The following PLXNC1 variants were observed in gnomAD, a reference collection of about 807,000 sequenced individuals.
PLXNC1 encodes the protein plexin-C1.
A neutral mutation model predicts 178.2 loss-of-function variants in PLXNC1; 75 were observed. The observed-to-expected ratio is 0.42, with a 90% CI of 0.35 to 0.51. PLXNC1 has a LOEUF of 0.51. Among genes scored for constraint, PLXNC1 ranks in the 20% least tolerant of loss-of-function variants. The pLI, the probability that PLXNC1 is intolerant of heterozygous loss-of-function variation, is 0.02. For synonymous variants in PLXNC1, 790 were observed against 779.9 expected, an observed-to-expected ratio of 1.01 and a Z score of -0.22; for missense variants, 1,503 against 1,984.4, an observed-to-expected ratio of 0.76 and a Z score of 4.61.
chr12:94,272,799 A>T (rs1965658834), intron 21 of PLXNC1, among the ~76,000 whole-genome samples: 1 of 152,188 alleles, frequency 6.6e-6, no homozygotes, highest in Non-Finnish European at 1.5e-5. Context: ...CTTGGGTGGC[A>T]CCGGAGGCAC....
intron 17 of PLXNC1, among the ~76,000 whole-genome samples, chr12:94,258,010 G>C (rs1470221443): frequency 1.3e-5 from 2 of 149,734 alleles, no homozygotes; most frequent in Non-Finnish European, 1.5e-5. Context: ...GGCGACAGAG[G>C]GAGATTCCGT....
At chr12:94,239,004 G>C (rs1393205973) in intron 10 of PLXNC1, among the ~76,000 whole-genome samples, 1 of 152,172 alleles carries the variant, frequency 6.6e-6, no homozygotes. Flanking sequence ...AGACACCTGT[G>C]TATTCACTGA....
intron 6 of PLXNC1, among the ~76,000 whole-genome samples, chr12:94,222,121 C>T (rs541687590): frequency 6.6e-6 from 1 of 152,268 alleles, no homozygotes; most frequent in Non-Finnish European, 1.5e-5. Flanking sequence ...ACTGTGCAGC[C>T]TTTGTGATGC....
chr12:94,149,865 C>T lies in PLXNC1; in HGVS notation c.894C>T (p.Ser298=), dbSNP rs1960882565. The change falls in exon 1 of 31, where the codon AGC becomes AGT. Residue 298 remains serine, a synonymous_variant. Transcript: ENST00000258526. ...PDGRRLLLSS[S]LVEALDVWAG... is the part of the protein sequence containing the mutation. ...GCCGCCGCCTGCTCCTCTCCTCCAG[C>T]CTAGTGGAGGCCCTGGACGTCTGGG... The T allele has an allele frequency of 6.3e-7, 1 of 1,587,618 alleles. No homozygotes were observed. Among genetic ancestry groups the T allele is most frequent in the Non-Finnish European group, 8.6e-7 (1 of 1,167,662 alleles).
In PLXNC1 at chr12:94,181,442, AT is replaced by A; in HGVS notation, c.1204-3del. On this transcript the variant is annotated splice_region_variant and splice_polypyrimidine_tract_variant and intron_variant, in intron 2 of 30. Coordinates refer to ENST00000258526, the MANE Select transcript of PLXNC1 (RefSeq NM_005761.3). ...ATGTTTCTCTTTTTGAAAAAAAAAA[AT>A]AGGTTATTCTTGGTGAGAATTTGAC... 2.0e-6 allele frequency: 3 copies of A among 1,522,042 alleles called. No homozygotes were observed. The highest frequency in any genetic ancestry group is 2.3e-5 in the East Asian group (1 of 44,276). 94.3% of individuals were successfully genotyped at this position (1,522,042 alleles called of 1,614,324 possible). A position where few individuals can be genotyped will look rare whatever the true frequency, so the allele number is the denominator to read the frequency against.
chr12:94,296,321 C>G (rs1201159835), intron 24 of PLXNC1, among the ~76,000 whole-genome samples: 1 of 152,084 alleles, frequency 6.6e-6, no homozygotes, highest in African/African-American at 2.4e-5. Context: ...CTACCATGCT[C>G]AGATACTCTT....
At chr12:94,284,179 T>A (rs199700150) in intron 23 of PLXNC1, among the ~76,000 whole-genome samples, 1 of 151,976 alleles carries the variant, frequency 6.6e-6, no homozygotes, top group East Asian at 1.9e-4. Flanking sequence ...CAGGAGCAAT[T>A]TGGGGAGAGT....
intron 7 of PLXNC1, among the ~76,000 whole-genome samples, chr12:94,225,531 A>G (rs1432313235): frequency 6.6e-6 from 1 of 152,208 alleles, no homozygotes; most frequent in Non-Finnish European, 1.5e-5. Flanking sequence ...GAAGTTCATG[A>G]AAATAGGAAA....
At chr12:94,237,097 A>C (rs1047399856) in intron 9 of PLXNC1, among the ~76,000 whole-genome samples, 1 of 152,214 alleles carries the variant, frequency 6.6e-6, no homozygotes, top group Non-Finnish European at 1.5e-5. Context: ...GGTTGGCCAC[A>C]GTGGTTTAGA....
chr12:94,221,866 T>C (rs953519523), intron 6 of PLXNC1, among the ~76,000 whole-genome samples: 5 of 152,212 alleles, frequency 3.3e-5, no homozygotes, highest in Non-Finnish European at 5.9e-5. Flanking sequence ...CCTCATGATT[T>C]AATCACTTCA....
At chr12:94,164,167 G>C (rs999098354) in intron 1 of PLXNC1, among the ~76,000 whole-genome samples, 36 of 152,122 alleles carry the variant, frequency 2.4e-4, no homozygotes, top group African/African-American at 8.7e-4. Flanking sequence ...GGAAGTAACA[G>C]AAAATGATGA....
intron 10 of PLXNC1, among the ~76,000 whole-genome samples, chr12:94,239,158 G>A (rs940026148): frequency 3.9e-5 from 6 of 152,128 alleles, no homozygotes; most frequent in African/African-American, 9.7e-5. Context: ...TCTGCATGTC[G>A]CATTTCAGTA....
chr12:94,237,937 A>T lies in PLXNC1; in HGVS notation c.2120+134A>T. 4.1e-6 allele frequency: 3 copies of T among 735,334 alleles called. No individual in the cohort carries two copies. The South Asian group carries it at 5.9e-5, about 15-fold the overall frequency. The allele number at this position is 735,334 out of a possible 1,614,324, so 45.6% of individuals were successfully genotyped here. On this transcript the variant is annotated intron_variant, in intron 10 of 30. Transcript: ENST00000258526. ...CCAAAGCAGGCCAATTAGTCAGAGT[A>T]TTTGACATAATATAATTCCAACACG... is the stretch of plus-strand genomic sequence containing the variant.
chr12:94,182,924 A>G (rs1330516103), intron 3 of PLXNC1, among the ~76,000 whole-genome samples: 2 of 151,354 alleles, frequency 1.3e-5, no homozygotes, highest in Non-Finnish European at 3.0e-5. Flanking sequence ...CTATCTATCT[A>G]TAGGTTAGCC....
At chr12:94,199,263 C>T (rs1339473953) in intron 4 of PLXNC1, among the ~76,000 whole-genome samples, 1 of 152,170 alleles carries the variant, frequency 6.6e-6, no homozygotes, top group Non-Finnish European at 1.5e-5. Context: ...CCTTCCAATC[C>T]GGGATGTGTC....
chr12:94,189,930 A>T (rs896072263), intron 4 of PLXNC1, among the ~76,000 whole-genome samples: 3 of 152,042 alleles, frequency 2.0e-5, no homozygotes, highest in Non-Finnish European at 4.4e-5. Context: ...GAACGAAGGG[A>T]AGTGGCCAGG....
intron 11 of PLXNC1, among the ~76,000 whole-genome samples, chr12:94,243,617 C>T (rs1964449972): frequency 6.6e-6 from 1 of 152,148 alleles, no homozygotes. Context: ...TTTCAAGGTA[C>T]AGCTCCTGAT....
At chr12:94,264,979 CCT>C in intron 20 of PLXNC1, 98 bp from the exon 21 acceptor site, 1 of 1,197,022 alleles carries the variant, frequency 8.4e-7, no homozygotes. Flanking sequence ...GTTAGAAAAC[CCT>C]GTCTCCTGCC....
chr12:94,264,897 G>A (rs910524227), intron 20 of PLXNC1, among the ~76,000 whole-genome samples, 182 bp from the exon 21 acceptor site: 7 of 152,242 alleles, frequency 4.6e-5, no homozygotes, highest in African/African-American at 1.7e-4. Context: ...GGAGAGAGGA[G>A]GCGGTTTTCT....
Sources: allele counts gnomAD v4.1 joint callset (sites outside exome capture counted in the v4.1 genomes callset), GRCh38; gene constraint gnomAD v4.1.1; transcripts MANE v1.5; gene names NCBI Gene and HGNC (gene_info 2026-07-23, HGNC 2026-07-21).